B3GALNT2: variants seen among roughly 807,000 people sequenced by gnomAD.
B3GALNT2 encodes beta-1,3-N-acetylgalactosaminyltransferase 2.
Under a neutral mutation model 61.1 loss-of-function variants are expected in B3GALNT2, and 53 were observed. The observed-to-expected ratio is 0.87, with a 90% CI of 0.70 to 1.09. The LOEUF (loss-of-function observed/expected upper bound fraction) is 1.09. B3GALNT2 is among the 50% of genes least tolerant of loss of function. The pLI is 0.00. For missense variants in B3GALNT2, 544 were observed against 623.0 expected (o/e 0.87, Z 1.35); for synonymous variants, 223 against 237.4 (o/e 0.94, Z 0.56).
chr1:235,449,314 ATCT>A lies in B3GALNT2; in HGVS notation c.*889_*891del, dbSNP rs139841540. The A allele has an allele frequency of 0.05, 7,906 of 158,814 alleles. 359 individuals are homozygous for A. Among genetic ancestry groups the A allele is most frequent in the African/African-American group, 0.12 (5,025 of 41,542 alleles). The allele number at this position is 158,814 out of a possible 1,614,324, so 9.8% of individuals were successfully genotyped here. On this transcript the variant is annotated 3_prime_UTR_variant, in exon 12 of 12. Coordinates refer to ENST00000366600, the MANE Select transcript of B3GALNT2 (RefSeq NM_152490.5). ...CTACAATTATACCTAAGCTGAGTAT[ATCT>A]TCTTCTGTGATAACCAGCTTTGATT... is the stretch of plus-strand genomic sequence containing the variant.
At chr1:235,502,457 C>CAGAT (rs1408337473) in intron 1 of B3GALNT2, among the ~76,000 whole-genome samples, 2 of 152,196 alleles carry the variant, frequency 1.3e-5, no homozygotes, top group African/African-American at 4.8e-5. Flanking sequence ...ATTATCTGAC[C>CAGAT]AGATACACAG....
In B3GALNT2 at chr1:235,461,523, T is replaced by TG. The variant is rs1424845665; in HGVS notation, c.842-2738_842-2737insC. On this transcript the variant is annotated intron_variant, in intron 7 of 11. Coordinates refer to ENST00000366600, the MANE Select transcript of B3GALNT2 (RefSeq NM_152490.5). Reference sequence around the variant, plus strand: ...TGACCTCCTGTTTTTTTTTTTTTTTTTTTTTTTTTTTGAGATGGAGTCTCA... The same window carrying TG: ...TGACCTCCTGTTTTTTTTTTTTTTTTGTTTTTTTTTTTGAGATGGAGTCTCA... Among the ~76,000 whole-genome samples, 13 of 138,782 alleles carry TG rather than the reference T, an allele frequency of 9.4e-5. No homozygotes were observed. In the East Asian group the frequency reaches 2.5e-3, roughly 27 times the overall value. 91.0% of individuals were successfully genotyped at this position (138,782 alleles called of 152,430 possible). A position where few individuals can be genotyped will look rare whatever the true frequency, so the allele number is the denominator to read the frequency against.
intron 5 of B3GALNT2, among the ~76,000 whole-genome samples, chr1:235,475,197 C>A (rs1684216937): frequency 6.6e-6 from 1 of 151,284 alleles, no homozygotes; most frequent in African/African-American, 2.4e-5. Flanking sequence ...TGGGGTTTCA[C>A]CATGTTAGCC....
chr1:235,493,056 A>G (rs368350852), intron 2 of B3GALNT2, among the ~76,000 whole-genome samples: 4 of 152,322 alleles, frequency 2.6e-5, no homozygotes, highest in African/African-American at 7.2e-5. Flanking sequence ...TGTATGGAAA[A>G]TAAAATGTAG....
chr1:235,443,185 C>CAT (rs1553340612), downstream of B3GALNT2, among the ~76,000 whole-genome samples: 28 of 139,838 alleles, frequency 2.0e-4, no homozygotes, highest in South Asian at 8.1e-4. Flanking sequence ...CACACACACA[C>CAT]ATATATATAT....
chr1:235,499,104 T>C (rs910740474), intron 1 of B3GALNT2, among the ~76,000 whole-genome samples: 1 of 152,182 alleles, frequency 6.6e-6, no homozygotes, highest in Non-Finnish European at 1.5e-5. Context: ...ACTCATTAAA[T>C]AAATTATGGT....
intron 8 of B3GALNT2, among the ~76,000 whole-genome samples, chr1:235,457,400 G>C (rs957761667): frequency 6.6e-6 from 1 of 152,082 alleles, no homozygotes; most frequent in African/African-American, 2.4e-5. Context: ...GAAAGTTTTG[G>C]CTCCATGGTC....
Position 235,455,693 on chromosome 1 carries a change from A to G in B3GALNT2, c.1026-9T>C, listed in dbSNP as rs1683134542. 3 of 1,605,594 alleles carry G rather than the reference A, an allele frequency of 1.9e-6. No individual in the cohort carries two copies. Among genetic ancestry groups the G allele is most frequent in the Non-Finnish European group, 2.6e-6 (3 of 1,172,890 alleles). On this transcript the variant is annotated splice_polypyrimidine_tract_variant and intron_variant, in intron 8 of 11. Coordinates refer to ENST00000366600, the MANE Select transcript of B3GALNT2 (RefSeq NM_152490.5). ...TCGTTGTTTCCACAGTCCTGTTGAC[A>G]CAAAAGGGATAAGAAAGTCAGTGCG...
chr1:235,486,939 G>A (rs916450212), intron 3 of B3GALNT2, among the ~76,000 whole-genome samples: 1 of 151,918 alleles, frequency 6.6e-6, no homozygotes, highest in Non-Finnish European at 1.5e-5. Context: ...GAGGCTGAGG[G>A]GGGTGGATCA....
chr1:235,467,127 T>G (rs1683734171), intron 6 of B3GALNT2, among the ~76,000 whole-genome samples: 1 of 152,094 alleles, frequency 6.6e-6, no homozygotes, highest in South Asian at 2.1e-4. Flanking sequence ...GGCGGGCGGA[T>G]CACGAGGACA....
the B3GALNT2 span, among the ~76,000 whole-genome samples, chr1:235,440,234 T>C: frequency 3.9e-5 from 6 of 152,196 alleles, no homozygotes; most frequent in East Asian, 1.2e-3. Context: ...CCTCCCAGAG[T>C]GCTGGGATTA....
the B3GALNT2 span, chr1:235,442,030 CAG>C: frequency 1.8e-5 from 11 of 620,574 alleles, 1 homozygote; most frequent in South Asian, 7.6e-5. Context: ...TTTTTTGAGA[CAG>C]AGTCTCCCTC....
At chr1:235,446,198 C>T (rs574433742), downstream of B3GALNT2, among the ~76,000 whole-genome samples, 4 of 150,686 alleles carry the variant, frequency 2.7e-5, no homozygotes, top group South Asian at 4.2e-4. Context: ...TTTTTTGAGA[C>T]GGAGTCTCAT....
At chr1:235,498,254 T>G (rs1173668331) in intron 1 of B3GALNT2, among the ~76,000 whole-genome samples, 1 of 152,154 alleles carries the variant, frequency 6.6e-6, no homozygotes, top group Non-Finnish European at 1.5e-5. Context: ...TCTTATCACC[T>G]TTTATGTTAC....
At chr1:235,488,042 G>GAA (rs1323395530) in intron 3 of B3GALNT2, among the ~76,000 whole-genome samples, 1 of 152,104 alleles carries the variant, frequency 6.6e-6, no homozygotes, top group Non-Finnish European at 1.5e-5. Context: ...CAAAGTGCTG[G>GAA]AGCAGCTTTC....
At chr1:235,465,573 C>A in intron 7 of B3GALNT2, 63 bp downstream of exon 7, 1 of 1,563,096 alleles carries the variant, frequency 6.4e-7, no homozygotes. Context: ...CCTTTTCTCT[C>A]AAGTATAAAG....
At chr1:235,441,927 A>G in the B3GALNT2 span, 2 of 1,545,090 alleles carry the variant, frequency 1.3e-6, no homozygotes, top group East Asian at 2.3e-5. Flanking sequence ...TTGAGTGCTT[A>G]GGTGCTGAAA....
intron 3 of B3GALNT2, among the ~76,000 whole-genome samples, chr1:235,485,092 A>G (rs1219775351): frequency 1.3e-5 from 2 of 152,232 alleles, no homozygotes; most frequent in African/African-American, 4.8e-5. Context: ...ACCATCTTCT[A>G]TGTACCATTT....
chr1:235,470,931 G>A lies in B3GALNT2; in HGVS notation c.681C>T (p.Ser227=). Residue 227 remains serine, a synonymous_variant, in exon 6 of 12, where the codon AGC becomes AGT. Transcript: ENST00000366600. ...ESFEGTIVWE[S]QDLHGLVSRN... ...TTGACACAAGGCCGTGGAGGTCTTG[G>A]CTCTCCCACACGATTGTACCTTCAA... 1 of 1,613,960 alleles carries A rather than the reference G, an allele frequency of 6.2e-7. No homozygotes were observed. The highest frequency in any genetic ancestry group is 8.5e-7 in the Non-Finnish European group (1 of 1,179,912).
Sources: allele counts gnomAD v4.1 joint callset (sites outside exome capture counted in the v4.1 genomes callset), GRCh38; gene constraint gnomAD v4.1.1; transcripts MANE v1.5; gene names NCBI Gene and HGNC (gene_info 2026-07-23, HGNC 2026-07-21).